The following FBXL7 variants were observed in gnomAD, a reference collection of about 807,000 sequenced individuals.
FBXL7 encodes F-box and leucine rich repeat protein 7.
A neutral mutation model predicts 38.3 loss-of-function variants in FBXL7; 12 were observed. That is an observed-to-expected ratio of 0.31 (90% confidence interval 0.20 to 0.51). The LOEUF (loss-of-function observed/expected upper bound fraction) is 0.51, where lower values mean the gene tolerates loss of function less well. Ranked by LOEUF, FBXL7 falls within the 20% of genes least tolerant of loss-of-function variation. FBXL7 has a pLI of 0.98. For synonymous variants in FBXL7, 297 were observed against 300.9 expected, an observed-to-expected ratio of 0.99 and a Z score of 0.13; for missense variants, 567 against 676.4, an observed-to-expected ratio of 0.84 and a Z score of 1.79.
chr5:15,931,783 C>T (rs931865388), intron 3 of FBXL7, among the ~76,000 whole-genome samples: 1 of 152,180 alleles, frequency 6.6e-6, no homozygotes, highest in Non-Finnish European at 1.5e-5. Flanking sequence ...GTGTGCATGC[C>T]TCTCTGGCTT....
chr5:15,862,201 A>G (rs145988621), intron 2 of FBXL7, among the ~76,000 whole-genome samples: 4 of 152,162 alleles, frequency 2.6e-5, no homozygotes, highest in African/African-American at 7.2e-5. Flanking sequence ...GGTTTCCCCC[A>G]TACTGTTCTC....
At chr5:15,556,437 AC>A (rs1437173726) in intron 1 of FBXL7, among the ~76,000 whole-genome samples, 1 of 152,120 alleles carries the variant, frequency 6.6e-6, no homozygotes, top group African/African-American at 2.4e-5. Flanking sequence ...TTACTCAGTC[AC>A]CAATTCAAAT....
chr5:15,529,632 C>T (rs952106278), intron 1 of FBXL7, among the ~76,000 whole-genome samples: 1 of 152,176 alleles, frequency 6.6e-6, no homozygotes, highest in Non-Finnish European at 1.5e-5. Context: ...TCGTGATCCA[C>T]CCACCTCGGC....
At chr5:15,709,369 A>G (rs1412777005) in intron 2 of FBXL7, among the ~76,000 whole-genome samples, 1 of 151,962 alleles carries the variant, frequency 6.6e-6, no homozygotes, top group African/African-American at 2.4e-5. Context: ...CCCTGTCTCT[A>G]CTAAAAATAC....
intron 1 of FBXL7, among the ~76,000 whole-genome samples, chr5:15,569,757 A>G (rs141454433): frequency 0.15 from 22,628 of 152,126 alleles, 1,723 homozygotes; most frequent in South Asian, 0.24. Context: ...TATTTTAGAT[A>G]TGTCCCATCA....
At position 15,645,238 on chromosome 5, in the gene FBXL7, C is replaced by G. The variant is rs143446841; in HGVS notation, c.127+29166C>G. Among the ~76,000 whole-genome samples, 269 of 152,290 alleles carry G rather than the reference C, an allele frequency of 1.8e-3. 1 individual carries two copies. The highest frequency in any genetic ancestry group is 6.2e-3 in the African/African-American group (256 of 41,580). ...AAAGGAAAATAAATCTTGGGACCCC[C>G]AAATCGCTAAGCTAAAGGGAAAGGT... On this transcript the variant is annotated intron_variant, in intron 2 of 3. Coordinates refer to ENST00000504595, the MANE Select transcript of FBXL7 (RefSeq NM_012304.5).
At chr5:15,847,447 A>G (rs1316521588) in intron 2 of FBXL7, among the ~76,000 whole-genome samples, 2 of 152,174 alleles carry the variant, frequency 1.3e-5, no homozygotes, top group African/African-American at 4.8e-5. Context: ...GGTCCCTCCC[A>G]TGACACGTGG....
At chr5:15,730,133 C>T (rs974742716) in intron 2 of FBXL7, among the ~76,000 whole-genome samples, 8 of 152,066 alleles carry the variant, frequency 5.3e-5, no homozygotes, top group Non-Finnish European at 1.2e-4. Flanking sequence ...TTCTCTTGAA[C>T]CACAAAATGT....
intron 1 of FBXL7, among the ~76,000 whole-genome samples, chr5:15,593,415 T>C (rs917492975): frequency 1.3e-5 from 2 of 152,040 alleles, no homozygotes; most frequent in Non-Finnish European, 2.9e-5. Context: ...TCCCAGCTTC[T>C]AGGGAGGCTG....
intron 2 of FBXL7, among the ~76,000 whole-genome samples, chr5:15,726,364 G>A (rs190770170): frequency 1.3e-5 from 2 of 152,188 alleles, no homozygotes; most frequent in African/African-American, 4.8e-5. Context: ...ATTGTATTGT[G>A]CTATGATAGT....
intron 2 of FBXL7, among the ~76,000 whole-genome samples, chr5:15,903,877 A>G (rs1741290658): frequency 6.6e-6 from 1 of 152,188 alleles, no homozygotes; most frequent in African/African-American, 2.4e-5. Context: ...CCCTTTCACA[A>G]TATAAAAATC....
At chr5:15,553,468 C>A (rs887366508) in intron 1 of FBXL7, among the ~76,000 whole-genome samples, 2 of 152,196 alleles carry the variant, frequency 1.3e-5, no homozygotes, top group African/African-American at 4.8e-5. Context: ...TTAATTTATT[C>A]ATTAAGGCTT....
chr5:15,736,537 G>A lies in FBXL7; in HGVS notation c.127+120465G>A, dbSNP rs555700703. 4.3e-4 allele frequency among the ~76,000 whole-genome samples: 66 copies of A among 152,184 alleles called. No homozygotes were observed. The East Asian group carries it at 4.6e-3, about 11-fold the overall frequency. ...ACCCAATCTTAAATGTGATAAATACGTAAAATAGCAACTATACACAAATTA... is the reference window on the plus strand; with the variant it reads ...ACCCAATCTTAAATGTGATAAATACATAAAATAGCAACTATACACAAATTA... On this transcript the variant is annotated intron_variant, in intron 2 of 3. Coordinates refer to ENST00000504595, the MANE Select transcript of FBXL7 (RefSeq NM_012304.5).
At chr5:15,809,668 T>C (rs1737807101) in intron 2 of FBXL7, among the ~76,000 whole-genome samples, 1 of 152,006 alleles carries the variant, frequency 6.6e-6, no homozygotes, top group Non-Finnish European at 1.5e-5. Flanking sequence ...AAAAAAGCTT[T>C]AAACATTTTG....
At chr5:15,851,093 G>A (rs1225912939) in intron 2 of FBXL7, among the ~76,000 whole-genome samples, 1 of 152,124 alleles carries the variant, frequency 6.6e-6, no homozygotes, top group African/African-American at 2.4e-5. Context: ...ATTGCTTGTG[G>A]AGCTATTATA....
rs902051143 is a variant in FBXL7 at position 15,609,908 on chromosome 5, G to A, written c.38-6075G>A. Among the ~76,000 whole-genome samples, 6 of 152,296 alleles carry A rather than the reference G, an allele frequency of 3.9e-5. No homozygotes were observed. The East Asian group carries it at 1.2e-3, about 29-fold the overall frequency. On this transcript the variant is annotated intron_variant, in intron 1 of 3. Transcript: ENST00000504595. Reference sequence around the variant, plus strand: ...TTTTGCGCTGCTGATAAAGACATACGTGAGACGGTAATTTACAAAGAAAAA... The same window carrying A: ...TTTTGCGCTGCTGATAAAGACATACATGAGACGGTAATTTACAAAGAAAAA...
intron 2 of FBXL7, among the ~76,000 whole-genome samples, chr5:15,848,629 C>G (rs1043715719): frequency 2.0e-5 from 3 of 152,194 alleles, no homozygotes; most frequent in African/African-American, 7.2e-5. Context: ...ATCTGCCTGC[C>G]TCAGTCTCCC....
At chr5:15,526,091 G>A (rs1737244485) in intron 1 of FBXL7, among the ~76,000 whole-genome samples, 2 of 152,140 alleles carry the variant, frequency 1.3e-5, no homozygotes, top group African/African-American at 4.8e-5. Flanking sequence ...CAATGGTAGG[G>A]TGGGGTGAAA....
chr5:15,866,644 C>G (rs1407726879), intron 2 of FBXL7, among the ~76,000 whole-genome samples: 3 of 151,678 alleles, frequency 2.0e-5, no homozygotes, highest in Non-Finnish European at 2.9e-5. Flanking sequence ...TTGACCCATC[C>G]TTTAATTTCC....
Sources: allele counts gnomAD v4.1 joint callset (sites outside exome capture counted in the v4.1 genomes callset), GRCh38; gene constraint gnomAD v4.1.1; transcripts MANE v1.5; gene names NCBI Gene and HGNC (gene_info 2026-07-23, HGNC 2026-07-21).